The following SENP6 variants were observed in gnomAD, a reference collection of about 807,000 sequenced individuals.
SENP6 encodes SUMO specific peptidase 6, also known as sentrin-specific protease 6.
In SENP6, 41 loss-of-function variants were observed where a neutral mutation model predicts 134.5. That is an observed-to-expected ratio of 0.30 (90% CI 0.24 to 0.40). SENP6 has a LOEUF of 0.40. Ranked by LOEUF, SENP6 falls within the 10% of genes least tolerant of loss-of-function variation. SENP6 has a pLI of 1.00. For missense variants in SENP6, 1,248 were observed against 1,312.5 expected, an observed-to-expected ratio of 0.95 and a Z score of 0.76; for synonymous variants, 395 against 429.8, an observed-to-expected ratio of 0.92 and a Z score of 1.00.
In SENP6 at chr6:75,697,590, G is replaced by A. The variant is rs959794108; in HGVS notation, c.2288+73G>A. The A allele has an allele frequency of 8.1e-6, 8 of 984,804 alleles. No individual in the cohort carries two copies. In the African/African-American group the frequency reaches 1.1e-4, roughly 14 times the overall value. 61.0% of individuals were successfully genotyped at this position (984,804 alleles called of 1,614,324 possible). On this transcript the variant is annotated intron_variant, in intron 18 of 23. Coordinates refer to ENST00000447266, the MANE Select transcript of SENP6 (RefSeq NM_015571.4). ...ATGGCAATTTTTAAATAATGAGTAT[G>A]AGGTGAAGAATTCATTTTAAAACAT...
intron 9 of SENP6, among the ~76,000 whole-genome samples, chr6:75,663,755 G>C (rs2149865495): frequency 6.7e-6 from 1 of 148,802 alleles, no homozygotes; most frequent in South Asian, 2.1e-4. Context: ...ACTTCGGCCA[G>C]GTTAATTTAA....
In SENP6 at chr6:75,717,785, T is replaced by C. The variant is rs116827149; in HGVS notation, c.*2191T>C. On this transcript the variant is annotated 3_prime_UTR_variant, in exon 24 of 24. Coordinates refer to ENST00000447266, the MANE Select transcript of SENP6 (RefSeq NM_015571.4). The stretch of plus-strand genomic sequence containing the variant: ...GAAACTGCATGACAAGTATCTGGTG[T>C]CTTAACTAATTAGATAGATCTGTTG... 165 of 152,270 alleles carry C rather than the reference T, an allele frequency of 1.1e-3. No homozygotes were observed. The highest frequency in any genetic ancestry group is 3.8e-3 in the African/African-American group (160 of 41,596). 9.4% of individuals were successfully genotyped at this position (152,270 alleles called of 1,614,324 possible).
chr6:75,691,143 A>ATTT (rs36048279), intron 16 of SENP6, among the ~76,000 whole-genome samples: 4,292 of 141,418 alleles, frequency 0.03, 215 homozygotes, highest in African/African-American at 0.1. Flanking sequence ...CCCAGCTAAA[A>ATTT]TTTTTTTTTT....
chr6:75,608,821 C>T (rs532275464), intron 1 of SENP6, among the ~76,000 whole-genome samples: 15 of 152,170 alleles, frequency 9.9e-5, no homozygotes, highest in Non-Finnish European at 2.1e-4. Context: ...ATAATAAGCA[C>T]TCCGTGTTAC....
intron 9 of SENP6, among the ~76,000 whole-genome samples, chr6:75,666,406 T>C (rs1435320804): frequency 6.6e-6 from 1 of 150,548 alleles, no homozygotes; most frequent in African/African-American, 2.4e-5. Flanking sequence ...CTACTGTTCT[T>C]CTTGTAACTT....
At chr6:75,660,641 T>TG (rs1272208437) in intron 8 of SENP6, among the ~76,000 whole-genome samples, 6 of 152,076 alleles carry the variant, frequency 3.9e-5, no homozygotes, top group African/African-American at 1.4e-4. Context: ...ATTTCTTTTT[T>TG]TTTTTCCCCG....
chr6:75,636,175 G>T (rs1344374386), intron 5 of SENP6, among the ~76,000 whole-genome samples: 1 of 152,066 alleles, frequency 6.6e-6, no homozygotes, highest in Non-Finnish European at 1.5e-5. Context: ...CAGTTCATAT[G>T]AACTAGTTTA....
intron 1 of SENP6, among the ~76,000 whole-genome samples, chr6:75,619,091 C>A (rs977131105): frequency 1.3e-4 from 19 of 150,768 alleles, no homozygotes; most frequent in Admixed American, 5.9e-4. Flanking sequence ...TACTGTTTAA[C>A]CATTTTTAAG....
In SENP6 at chr6:75,628,942, T is replaced by A. The variant is rs574039055; in HGVS notation, c.208-4639T>A. ...TGCCATGTTGGCCACCAGGCTGGTC[T>A]TGGAACTCCTGACCTCAAGTGATCC... is the stretch of plus-strand genomic sequence containing the variant. On this transcript the variant is annotated intron_variant, in intron 3 of 23. Coordinates refer to ENST00000447266, the MANE Select transcript of SENP6 (RefSeq NM_015571.4). 3.3e-5 allele frequency among the ~76,000 whole-genome samples: 5 copies of A among 152,236 alleles called. No homozygotes were observed. In the South Asian group the frequency reaches 1.0e-3, roughly 32 times the overall value.
chr6:75,700,520 T>C (rs867232914), intron 18 of SENP6, among the ~76,000 whole-genome samples: 1 of 152,312 alleles, frequency 6.6e-6, no homozygotes, highest in South Asian at 2.1e-4. Flanking sequence ...GGGGTCTCAC[T>C]CTGTCGCCCA....
chr6:75,607,688 A>G (rs1359712748), intron 1 of SENP6, among the ~76,000 whole-genome samples: 1 of 151,924 alleles, frequency 6.6e-6, no homozygotes, highest in South Asian at 2.1e-4. Flanking sequence ...GTCTTCCTTT[A>G]TGGACCTTGT....
intron 21 of SENP6, among the ~76,000 whole-genome samples, chr6:75,711,719 CTGGAGTGCAG>C (rs1480648826): frequency 1.2e-4 from 18 of 152,202 alleles, no homozygotes; most frequent in African/African-American, 4.3e-4. Context: ...GTCGCCCAGG[CTGGAGTGCAG>C]TGGCACGATC....
chr6:75,602,453 G>A lies in SENP6; in HGVS notation c.-72G>A. Reference sequence around the variant, plus strand: ...GCGGCGTCTACCCTCCTCCGGCGCGGCCCCTCATCCCGGCGAGCACGGCGG... The same window carrying A: ...GCGGCGTCTACCCTCCTCCGGCGCGACCCCTCATCCCGGCGAGCACGGCGG... On this transcript the variant is annotated 5_prime_UTR_variant, in exon 1 of 24. Transcript: ENST00000447266. 6.6e-7 allele frequency: 1 copy of A among 1,525,462 alleles called. No individual in the cohort carries two copies. Among genetic ancestry groups the A allele is most frequent in the Non-Finnish European group, 8.9e-7 (1 of 1,126,724 alleles). The allele number at this position is 1,525,462 out of a possible 1,614,324, so 94.5% of individuals were successfully genotyped here. A position where few individuals can be genotyped will look rare whatever the true frequency, so the allele number is the denominator to read the frequency against.
At chr6:75,636,223 T>C (rs2149839343) in intron 5 of SENP6, among the ~76,000 whole-genome samples, 1 of 152,286 alleles carries the variant, frequency 6.6e-6, no homozygotes. Context: ...ACAACCTGAG[T>C]TAATTTGTAT....
chr6:75,653,505 A>G (rs1200794091), intron 7 of SENP6, among the ~76,000 whole-genome samples: 3 of 152,156 alleles, frequency 2.0e-5, no homozygotes, highest in Non-Finnish European at 4.4e-5. Context: ...ATGTTTTTAC[A>G]TGTACATCAT....
At chr6:75,637,461 C>T (rs1769610678) in intron 5 of SENP6, among the ~76,000 whole-genome samples, 2 of 152,150 alleles carry the variant, frequency 1.3e-5, no homozygotes, top group South Asian at 4.1e-4. Flanking sequence ...ATGTTAAATT[C>T]ATATTTAAAA....
rs145378963 is a variant in SENP6 at position 75,603,740 on chromosome 6, G to C, written c.52+1164G>C. 5.0e-3 allele frequency among the ~76,000 whole-genome samples: 760 copies of C among 152,232 alleles called. 3 individuals carry two copies. The highest frequency in any genetic ancestry group is 0.01 in the Middle Eastern group (3 of 294). On this transcript the variant is annotated intron_variant, in intron 1 of 23. Transcript: ENST00000447266. ...GTGCCTGGAACACAGTAGGTACTCA[G>C]TGTTAGTCTAGTGAAAGAATAGTGA...
At chr6:75,615,525 T>C (rs1368446655) in intron 1 of SENP6, among the ~76,000 whole-genome samples, 1 of 152,202 alleles carries the variant, frequency 6.6e-6, no homozygotes, top group African/African-American at 2.4e-5. Context: ...TAAATTACAT[T>C]TATGATTTTC....
chr6:75,714,493 C>CT (rs1554185282), intron 23 of SENP6, among the ~76,000 whole-genome samples: 6 of 152,202 alleles, frequency 3.9e-5, no homozygotes, highest in Non-Finnish European at 8.8e-5. Flanking sequence ...ATACCAATCT[C>CT]TAACAGATTC....
Sources: gnomAD v4.1 joint callset for allele counts (sites outside exome capture counted in the v4.1 genomes callset) on GRCh38, gnomAD v4.1.1 for gene constraint, MANE v1.5 for transcripts, NCBI Gene and HGNC (gene_info 2026-07-23, HGNC 2026-07-21) for gene names.